Variants in SAMD11 observed in about 807,000 individuals in gnomAD.
SAMD11 encodes the protein sterile alpha motif domain containing 11.
In SAMD11, 77 loss-of-function variants were observed where a neutral mutation model predicts 64.4. The observed-to-expected ratio is 1.20, with a 90% confidence interval of 0.99 to 1.44. The LOEUF is 1.44. Ranked by LOEUF, SAMD11 falls within the 40% of genes most tolerant of loss-of-function variation. The pLI is 0.00. For missense variants in SAMD11, 1,402 were observed against 943.3 expected, an observed-to-expected ratio of 1.49 and a Z score of -6.37; for synonymous variants, 658 against 421.9, an observed-to-expected ratio of 1.56 and a Z score of -6.86.
chr1:926,540 C>T (rs537774543), intron 2 of SAMD11, among the ~76,000 whole-genome samples: 13 of 152,312 alleles, frequency 8.5e-5, no homozygotes, highest in Admixed American at 7.2e-4. Context: ...AGAGGCTAGC[C>T]AGGGGCAGAG....
At chr1:933,373 G>C (rs578015158) in intron 4 of SAMD11, among the ~76,000 whole-genome samples, 1 of 152,186 alleles carries the variant, frequency 6.6e-6, no homozygotes, top group Non-Finnish European at 1.5e-5. Context: ...GGGGAGGGCA[G>C]GTGGCACCCA....
At chr1:926,110 C>T (rs1382731896) in intron 2 of SAMD11, 97 bp downstream of exon 2, 2 of 1,207,838 alleles carry the variant, frequency 1.7e-6, no homozygotes, top group Non-Finnish European at 2.4e-6. Context: ...GTCCTAACCT[C>T]ACCCCTGCGG....
At chr1:926,487 G>A (rs1640897781) in intron 2 of SAMD11, among the ~76,000 whole-genome samples, 1 of 152,244 alleles carries the variant, frequency 6.6e-6, no homozygotes, top group Non-Finnish European at 1.5e-5. Flanking sequence ...CTGAAGGCCA[G>A]AGGGTGCAAG....
At position 937,445 on chromosome 1, in the gene SAMD11, C is replaced by G. The variant is rs563219864; in HGVS notation, c.967+1549C>G. 1.9e-3 allele frequency among the ~76,000 whole-genome samples: 281 copies of G among 149,634 alleles called. 2 individuals carry two copies. Among genetic ancestry groups the G allele is most frequent in the African/African-American group, 6.4e-3 (263 of 40,944 alleles). On this transcript the variant is annotated intron_variant, in intron 5 of 13. Coordinates refer to ENST00000616016, the MANE Select transcript of SAMD11 (RefSeq NM_001385641.1). ...CCCCCAGGCTAGGAGGAGGCCTTAG[C>G]CCCCCACAGAACGGAGAGGGTAGTT...
At chr1:926,862 C>T (rs915166563) in intron 2 of SAMD11, among the ~76,000 whole-genome samples, 12 of 152,152 alleles carry the variant, frequency 7.9e-5, no homozygotes, top group Non-Finnish European at 1.5e-4. Context: ...CTCAGGAACC[C>T]CTTCTTCCAG....
rs112419559 is a variant in SAMD11, at chr1:939,293, G to A, written c.1076G>A (p.Arg359Gln). The A allele has an allele frequency of 6.2e-5, 100 of 1,607,882 alleles. 1 individual carries two copies. The African/African-American group carries it at 1.0e-3, about 17-fold the overall frequency. Residue 359 changes from arginine (R) to glutamine (Q), a missense_variant, in exon 7 of 14, where the codon CGG becomes CAG. Coordinates refer to ENST00000616016, the MANE Select transcript of SAMD11 (RefSeq NM_001385641.1). ...CCAGCAGAGGCGCTGCTGCTGCCGC[G>A]GGAGCTGGGGCCCAGCATGGCCCCG... Reference protein sequence around the residue: ...ESPQEALLLPRELGPSMAPED... With the variant: ...ESPQEALLLPQELGPSMAPED...
intron 3 of SAMD11, among the ~76,000 whole-genome samples, chr1:930,681 A>G (rs1569871706): frequency 6.6e-6 from 1 of 152,182 alleles, no homozygotes; most frequent in East Asian, 1.9e-4. Flanking sequence ...AGCTCCATTC[A>G]GGCTCGTGAC....
chr1:926,528 G>A (rs775704821), intron 2 of SAMD11, among the ~76,000 whole-genome samples: 4 of 152,208 alleles, frequency 2.6e-5, no homozygotes, highest in African/African-American at 4.8e-5. Context: ...TCCTAGGGAC[G>A]CAGAGGCTAG....
In SAMD11 at chr1:941,446, G is replaced by A. The variant is rs141218362; in HGVS notation, c.1358+140G>A. On this transcript the variant is annotated intron_variant, in intron 8 of 13. Transcript: ENST00000616016. Reference sequence around the variant, plus strand: ...CGGGTCCGGGCAGAGCGTTTCGGGGGTGACACCGATCTGGGCTGCAGTGTT... The same window carrying A: ...CGGGTCCGGGCAGAGCGTTTCGGGGATGACACCGATCTGGGCTGCAGTGTT... 2.4e-3 allele frequency: 2,122 copies of A among 879,372 alleles called. 7 individuals are homozygous for A. Among genetic ancestry groups the A allele is most frequent in the Non-Finnish European group, 3.2e-3 (1,908 of 596,524 alleles). The allele number at this position is 879,372 out of a possible 1,614,324, so 54.5% of individuals were successfully genotyped here.
At position 926,004 on chromosome 1, in the gene SAMD11, C is replaced by G. The variant is rs1411261359; in HGVS notation, c.600C>G (p.Ser200=). Residue 200 remains serine, a synonymous_variant, in exon 2 of 14, where the codon TCC becomes TCG. Coordinates refer to ENST00000616016, the MANE Select transcript of SAMD11 (RefSeq NM_001385641.1). ...GCGACTGCCCGGGCTGCCGAATATC[C>G]TCCCCGGTGGTGAGATGCGGGGCTC... ...PICDCPGCRI[S]SPVNRGRLAD... 3.7e-6 allele frequency: 6 copies of G among 1,611,698 alleles called. No individual in the cohort carries two copies. The highest frequency in any genetic ancestry group is 5.1e-6 in the Non-Finnish European group (6 of 1,179,888).
chr1:924,566 C>A lies in SAMD11; in HGVS notation c.135C>A (p.Ala45=). ...TGGCGCCACTGCCCGCGGCGGCCGCCCTCCCCCCGGCCGCCTCGCTGCCCG... is the reference window on the plus strand; with the variant it reads ...TGGCGCCACTGCCCGCGGCGGCCGCACTCCCCCCGGCCGCCTCGCTGCCCG... ...GYLAPLPAAA[A]LPPAASLPAS... The change falls in exon 1 of 14, where the codon GCC becomes GCA. Residue 45 remains alanine, a synonymous_variant. Transcript: ENST00000616016. The A allele has an allele frequency of 6.6e-6, 1 of 150,904 alleles. No individual in the cohort carries two copies. The highest frequency in any genetic ancestry group is 1.9e-4 in the South Asian group (1 of 5,346). The allele number at this position is 150,904 out of a possible 1,614,324, so 9.3% of individuals were successfully genotyped here.
Position 942,498 on chromosome 1 carries a change from G to A in SAMD11, c.1553+10G>A. 1.4e-6 allele frequency: 2 copies of A among 1,467,134 alleles called. No individual in the cohort carries two copies. Among genetic ancestry groups the A allele is most frequent in the Non-Finnish European group, 1.8e-6 (2 of 1,115,596 alleles). 90.9% of individuals were successfully genotyped at this position (1,467,134 alleles called of 1,614,324 possible). A position where few individuals can be genotyped will look rare whatever the true frequency, so the allele number is the denominator to read the frequency against. ...AGCAGAACCTGGCCCGGTAGGTGCGGGGAGGCGGGCGGGGCCGCGCGGCCC... is the reference window on the plus strand; with the variant it reads ...AGCAGAACCTGGCCCGGTAGGTGCGAGGAGGCGGGCGGGGCCGCGCGGCCC... On this transcript the variant is annotated intron_variant, in intron 10 of 13. Transcript: ENST00000616016.
rs1045122792 is a variant in SAMD11 at position 924,076 on chromosome 1, T to C, written c.-356T>C. 1 of 146,528 alleles carries C rather than the reference T, an allele frequency of 6.8e-6. No individual in the cohort carries two copies. Among genetic ancestry groups the C allele is most frequent in the African/African-American group, 2.5e-5 (1 of 39,374 alleles). The allele number at this position is 146,528 out of a possible 1,614,324, so 9.1% of individuals were successfully genotyped here. A position where few individuals can be genotyped will look rare whatever the true frequency, so the allele number is the denominator to read the frequency against. On this transcript the variant is annotated 5_prime_UTR_variant, in exon 1 of 14. Transcript: ENST00000616016. The stretch of plus-strand genomic sequence containing the variant: ...TCGCTGCCGGGCTCGGCCTGGCGGG[T>C]GGGTCGGCGAGCCGGGCGTGGGACT...
rs773135934 is a variant in SAMD11, at chr1:942,877, G to A, written c.1872G>A (p.Ser624=). 6.1e-5 allele frequency: 95 copies of A among 1,554,388 alleles called. 1 individual carries two copies. The highest frequency in any genetic ancestry group is 3.3e-4 in the Middle Eastern group (2 of 6,010). The change falls in exon 11 of 14, where the codon TCG becomes TCA. Residue 624 remains serine (S), a synonymous_variant. Coordinates refer to ENST00000616016, the MANE Select transcript of SAMD11 (RefSeq NM_001385641.1). ...TGARLWAQDG[S]EDEPPKDSDG... ...CTAGGCTCTGGGCACAAGATGGCTCGGAAGACGAGCCCCCCAAAGACTCGG... is the reference window on the plus strand; with the variant it reads ...CTAGGCTCTGGGCACAAGATGGCTCAGAAGACGAGCCCCCCAAAGACTCGG...
intron 8 of SAMD11, among the ~76,000 whole-genome samples, chr1:941,783 G>A (rs1641783814): frequency 6.6e-6 from 1 of 152,114 alleles, no homozygotes; most frequent in Non-Finnish European, 1.5e-5. Context: ...CTGCCCGGCC[G>A]CTGAGCCCGG....
At chr1:929,741 G>A (rs1410260786) in intron 2 of SAMD11, among the ~76,000 whole-genome samples, 2 of 152,144 alleles carry the variant, frequency 1.3e-5, no homozygotes, top group African/African-American at 4.8e-5. Context: ...ACACAAGCCC[G>A]GGACGGAGGC....
chr1:927,864 C>A (rs573065304), intron 2 of SAMD11, among the ~76,000 whole-genome samples: 3 of 152,338 alleles, frequency 2.0e-5, no homozygotes, highest in Non-Finnish European at 2.9e-5. Context: ...CTCAGCACCC[C>A]CATCAGCCAC....
In SAMD11 at chr1:943,320, C is replaced by A. The variant is rs774960615; in HGVS notation, c.2121C>A (p.Thr707=). The change falls in exon 12 of 14, where the codon ACC becomes ACA. Residue 707 remains threonine (T), a synonymous_variant. Transcript: ENST00000616016. The stretch of plus-strand genomic sequence containing the variant: ...CCCCTGAGGACGTCACCAAGTGGAC[C>A]GTGGATGACGTCTGCAGCTTCGTGG... ...APAPEDVTKW[T]VDDVCSFVGG... 3 of 1,609,846 alleles carry A rather than the reference C, an allele frequency of 1.9e-6. No homozygotes were observed. The East Asian group carries it at 6.7e-5, about 36-fold the overall frequency.
At chr1:927,933 C>A (rs1640971087) in intron 2 of SAMD11, among the ~76,000 whole-genome samples, 1 of 152,258 alleles carries the variant, frequency 6.6e-6, no homozygotes, top group African/African-American at 2.4e-5. Flanking sequence ...TGTCCCCACG[C>A]CCGACTCTGC....
Sources: gnomAD v4.1 joint callset for allele counts (sites outside exome capture counted in the v4.1 genomes callset) on GRCh38, gnomAD v4.1.1 for gene constraint, MANE v1.5 for transcripts, NCBI Gene and HGNC (gene_info 2026-07-23, HGNC 2026-07-21) for gene names.